The following TNIK variants were observed in gnomAD, a reference collection of about 807,000 sequenced individuals.
TNIK encodes the protein TRAF2 and NCK interacting kinase.
A neutral mutation model predicts 191.3 loss-of-function variants in TNIK; 49 were observed. The observed-to-expected ratio is 0.26, with a 90% confidence interval of 0.20 to 0.32. The LOEUF is 0.32. Among genes scored for constraint, TNIK ranks in the 10% least tolerant of loss-of-function variants. The pLI is 1.00. For missense variants in TNIK, 1,155 were observed against 1,702.3 expected (o/e 0.68, Z 5.66); for synonymous variants, 594 against 600.9 (o/e 0.99, Z 0.17).
chr3:171,283,833 C>T (rs1371366574), intron 2 of TNIK, among the ~76,000 whole-genome samples: 1 of 152,216 alleles, frequency 6.6e-6, no homozygotes, highest in Non-Finnish European at 1.5e-5. Flanking sequence ...ACAAGCAGAA[C>T]AATCTCCTCA....
rs552654961 is a variant in TNIK, at chr3:171,339,005, C to T, written c.123+30615G>A. On this transcript the variant is annotated intron_variant, in intron 2 of 32. Transcript: ENST00000436636. Reference sequence around the variant, plus strand: ...ATTATTTTCTGTCTCCCATGCCTTCCCCATGATGTTCGTCTTTCTTTTCTC... The same window carrying T: ...ATTATTTTCTGTCTCCCATGCCTTCTCCATGATGTTCGTCTTTCTTTTCTC... Among the ~76,000 whole-genome samples the T allele has an allele frequency of 2.0e-5, 3 of 152,294 alleles. No individual in the cohort carries two copies. The South Asian group carries it at 6.2e-4, about 32-fold the overall frequency.
intron 1 of TNIK, among the ~76,000 whole-genome samples, chr3:171,445,296 G>A (rs559956862): frequency 3.9e-5 from 6 of 152,040 alleles, no homozygotes; most frequent in Admixed American, 6.5e-5. Flanking sequence ...GCACATGCCT[G>A]TAGTACTTGC....
intron 2 of TNIK, among the ~76,000 whole-genome samples, chr3:171,259,949 CCTT>C (rs1747383701): frequency 6.6e-6 from 1 of 152,150 alleles, no homozygotes; most frequent in African/African-American, 2.4e-5. Context: ...GCTTGTCCAA[CCTT>C]TAGTTAGCCT....
chr3:171,185,624 C>T (rs1211043808), intron 7 of TNIK, among the ~76,000 whole-genome samples: 1 of 152,118 alleles, frequency 6.6e-6, no homozygotes, highest in Non-Finnish European at 1.5e-5. Context: ...AGGAGAGGGT[C>T]TATTTTCAGT....
intron 29 of TNIK, among the ~76,000 whole-genome samples, chr3:171,070,694 T>TAA (rs201500415): frequency 6.6e-6 from 1 of 151,980 alleles, no homozygotes; most frequent in African/African-American, 2.4e-5. Flanking sequence ...TTAGACAAGG[T>TAA]AAAAAAATGA....
At chr3:171,266,841 G>T (rs1376296575) in intron 2 of TNIK, among the ~76,000 whole-genome samples, 1 of 152,152 alleles carries the variant, frequency 6.6e-6, no homozygotes, top group African/African-American at 2.4e-5. Flanking sequence ...AGTTAAACCG[G>T]CTTCCTTCTG....
At chr3:171,432,433 G>A (rs1577917240) in intron 1 of TNIK, among the ~76,000 whole-genome samples, 1 of 152,346 alleles carries the variant, frequency 6.6e-6, no homozygotes, top group African/African-American at 2.4e-5. Context: ...GCTCCCAGGA[G>A]CAAAACTACA....
chr3:171,269,768 A>T (rs969201716), intron 2 of TNIK, among the ~76,000 whole-genome samples: 1 of 152,182 alleles, frequency 6.6e-6, no homozygotes, highest in African/African-American at 2.4e-5. Flanking sequence ...TCATGTTTAG[A>T]GGGAAGGTGA....
rs1231025009 is a variant in TNIK at position 171,108,132 on chromosome 3, A to G, written c.2315T>C (p.Leu772Pro). 5 of 1,572,326 alleles carry G rather than the reference A, an allele frequency of 3.2e-6. No homozygotes were observed. The African/African-American group carries it at 6.8e-5, about 21-fold the overall frequency. The stretch of plus-strand genomic sequence containing the variant: ...TTTCACCTTCGCAGGCTCATGGGGG[A>G]GCACAGGTGATCCTTCTGACTTACT... Reference protein sequence around the residue: ...ANSKSEGSPVLPHEPAKVKPE... With the variant: ...ANSKSEGSPVPPHEPAKVKPE... The change falls in exon 20 of 33, where the codon CTC becomes CCC. Residue 772 changes from leucine (L) to proline (P), a missense_variant. Coordinates refer to ENST00000436636, the MANE Select transcript of TNIK (RefSeq NM_015028.4).
At chr3:171,387,990 G>A (rs1169171876) in intron 1 of TNIK, among the ~76,000 whole-genome samples, 1 of 151,250 alleles carries the variant, frequency 6.6e-6, no homozygotes, top group Admixed American at 6.6e-5. Flanking sequence ...TGGGGGGAGG[G>A]GACGGGGGGG....
chr3:171,211,578 A>G (rs1368288908), intron 3 of TNIK, among the ~76,000 whole-genome samples: 2 of 152,208 alleles, frequency 1.3e-5, no homozygotes, highest in African/African-American at 4.8e-5. Context: ...ACATCCATCA[A>G]GTAGCTATTA....
intron 11 of TNIK, among the ~76,000 whole-genome samples, chr3:171,158,016 G>A (rs529692128): frequency 1.3e-5 from 2 of 152,298 alleles, no homozygotes; most frequent in African/African-American, 4.8e-5. Context: ...CAAGCCATGA[G>A]CCCCAGACTG....
rs113537122 is a variant in TNIK at position 171,212,029 on chromosome 3, C to T, written c.181-788G>A. Among the ~76,000 whole-genome samples the T allele has an allele frequency of 5.2e-3, 793 of 152,206 alleles. 6 individuals carry two copies. The highest frequency in any genetic ancestry group is 0.012 in the Admixed American group (191 of 15,288). On this transcript the variant is annotated intron_variant, in intron 3 of 32. Coordinates refer to ENST00000436636, the MANE Select transcript of TNIK (RefSeq NM_015028.4). ...ATGTGTATACACATTGGTTGGACTG[C>T]AGAAGAGTGTTTTATTGTTGAGGTT...
At chr3:171,439,462 A>G (rs569711034) in intron 1 of TNIK, 1 of 152,168 alleles carries the variant, frequency 6.6e-6, no homozygotes, top group East Asian at 1.9e-4. Flanking sequence ...AAATTAGAAT[A>G]GTATATATCA....
At chr3:171,305,919 T>A (rs1577415337) in intron 2 of TNIK, among the ~76,000 whole-genome samples, 1 of 152,202 alleles carries the variant, frequency 6.6e-6, no homozygotes. Context: ...TGCATGCATA[T>A]GTTCACTGCA....
chr3:171,201,296 G>T (rs1161196784), intron 4 of TNIK, among the ~76,000 whole-genome samples: 1 of 152,196 alleles, frequency 6.6e-6, no homozygotes, highest in Non-Finnish European at 1.5e-5. Flanking sequence ...CTACTCGGGA[G>T]GCTGAGGCAG....
chr3:171,445,623 G>A (rs1200591392), intron 1 of TNIK, among the ~76,000 whole-genome samples: 1 of 152,076 alleles, frequency 6.6e-6, no homozygotes, highest in Non-Finnish European at 1.5e-5. Flanking sequence ...AGCCGCACAG[G>A]TCCTTGCTCC....
intron 13 of TNIK, among the ~76,000 whole-genome samples, chr3:171,140,102 G>A (rs1366412992): frequency 6.6e-6 from 1 of 152,098 alleles, no homozygotes; most frequent in Non-Finnish European, 1.5e-5. Flanking sequence ...TGAAAGAGTG[G>A]GACTTGGCTG....
At chr3:171,153,210 T>C (rs1460752744) in intron 12 of TNIK, among the ~76,000 whole-genome samples, 3 of 152,206 alleles carry the variant, frequency 2.0e-5, no homozygotes. Flanking sequence ...TTTGCTTCTA[T>C]AGCATCAAAC....
Sources: gnomAD v4.1 joint callset for allele counts (sites outside exome capture counted in the v4.1 genomes callset) on GRCh38, gnomAD v4.1.1 for gene constraint, MANE v1.5 for transcripts, NCBI Gene and HGNC (gene_info 2026-07-23, HGNC 2026-07-21) for gene names.